AIFM2: variants seen among roughly 807,000 people sequenced by gnomAD.
AIFM2 encodes AIF family member 2, ferroptosis suppressor.
AIFM2 carries 38 observed loss-of-function variants against 35.7 expected under a neutral mutation model. The ratio of observed to expected loss-of-function variants is 1.06; its 90% CI spans 0.82 to 1.39. AIFM2 has a LOEUF of 1.39. AIFM2 is among the 40% of genes most tolerant of loss of function. AIFM2 has a pLI of 0.00. For synonymous variants in AIFM2, 185 were observed against 203.5 expected (o/e 0.91, Z 0.77); for missense variants, 476 against 491.2 (o/e 0.97, Z 0.29).
chr10:70,118,929 T>C (rs1474778942), intron 5 of AIFM2, among the ~76,000 whole-genome samples: 1 of 152,174 alleles, frequency 6.6e-6, no homozygotes, highest in African/African-American at 2.4e-5. Context: ...TCCTGGATGA[T>C]CGCTGGTCAC....
Position 70,132,764 on chromosome 10 carries a change from G to GGCTCCA in AIFM2, c.-45_-44insTGGAGC. 6.6e-6 allele frequency: 1 copy of GGCTCCA among 152,506 alleles called. No individual in the cohort carries two copies. The highest frequency in any genetic ancestry group is 1.8e-4 in the South Asian group (1 of 5,506). 9.4% of individuals were successfully genotyped at this position (152,506 alleles called of 1,614,324 possible). On this transcript the variant is annotated 5_prime_UTR_variant, in exon 1 of 9. Transcript: ENST00000307864. ...GGCCGCGCCCGCGCGCTCTCGCTCC[G>GGCTCCA]GCTCCCGCTCCCGCTCCCGCTCCCG...
rs1159954767 is a variant in AIFM2, at chr10:70,115,123, G to A, written c.770-3C>T. ...ACCACTGCTGGCTAGTCTGCTCTCT[G>A]CCAGAAGAAATGACACCGAAACCAA... On this transcript the variant is annotated splice_polypyrimidine_tract_variant and splice_region_variant and intron_variant, in intron 7 of 8. Transcript: ENST00000307864. The A allele has an allele frequency of 1.9e-6, 3 of 1,613,340 alleles. No individual in the cohort carries two copies. Among genetic ancestry groups the A allele is most frequent in the Non-Finnish European group, 2.5e-6 (3 of 1,179,722 alleles).
intron 3 of AIFM2, among the ~76,000 whole-genome samples, chr10:70,121,887 T>C (rs1439352004): frequency 6.7e-6 from 1 of 149,932 alleles, no homozygotes. Context: ...AGGTCAGGAG[T>C]TTGAAACCAA....
Position 70,125,567 on chromosome 10 carries a change from G to A in AIFM2, c.-13-1470C>T, listed in dbSNP as rs138337971. ...AGGGAGGTCAAGGCTGCAGTGAGCCGTAACTATGCCACTGCACACCAGCCT... is the reference window on the plus strand; with the variant it reads ...AGGGAGGTCAAGGCTGCAGTGAGCCATAACTATGCCACTGCACACCAGCCT... On this transcript the variant is annotated intron_variant, in intron 1 of 8. Coordinates refer to ENST00000307864, the MANE Select transcript of AIFM2 (RefSeq NM_032797.6). Among the ~76,000 whole-genome samples the A allele has an allele frequency of 7.2e-3, 1,081 of 150,152 alleles. 38 individuals carry two copies. Among genetic ancestry groups the A allele is most frequent in the Admixed American group, 0.051 (773 of 15,098 alleles).
chr10:70,112,768 C>T lies in AIFM2; in HGVS notation c.*1410G>A, dbSNP rs2072390621. The T allele has an allele frequency of 6.6e-6, 1 of 152,258 alleles. No individual in the cohort carries two copies. Among genetic ancestry groups the T allele is most frequent in the South Asian group, 2.1e-4 (1 of 4,828 alleles). The allele number at this position is 152,258 out of a possible 1,614,324, so 9.4% of individuals were successfully genotyped here. ...TAACCCAGGCAGTCCAAGAGGGGCTCCTCTGGATTGGAAGATCTCTCCCAA... is the reference window on the plus strand; with the variant it reads ...TAACCCAGGCAGTCCAAGAGGGGCTTCTCTGGATTGGAAGATCTCTCCCAA... On this transcript the variant is annotated 3_prime_UTR_variant, in exon 9 of 9. Coordinates refer to ENST00000307864, the MANE Select transcript of AIFM2 (RefSeq NM_032797.6).
chr10:70,114,034 TACAAG>T lies in AIFM2; in HGVS notation c.*139_*143del. ...CTCTCTCTCTCCCATTTTTGTTTTATACAAGTTGCATTTCTAGCCACCACATCATT... is the reference window on the plus strand; with the variant it reads ...CTCTCTCTCTCCCATTTTTGTTTTATTTGCATTTCTAGCCACCACATCATT... On this transcript the variant is annotated 3_prime_UTR_variant, in exon 9 of 9. Transcript: ENST00000307864. The T allele has an allele frequency of 9.1e-7, 1 of 1,099,404 alleles. No individual in the cohort carries two copies. Among genetic ancestry groups the T allele is most frequent in the Non-Finnish European group, 1.3e-6 (1 of 792,796 alleles). The allele number at this position is 1,099,404 out of a possible 1,614,324, so 68.1% of individuals were successfully genotyped here.
In AIFM2 at chr10:70,117,827, C is replaced by T. The variant is rs777129679; in HGVS notation, c.601G>A (p.Val201Met). 5 of 1,605,092 alleles carry T rather than the reference C, an allele frequency of 3.1e-6. No homozygotes were observed. The South Asian group carries it at 3.3e-5, about 11-fold the overall frequency. Residue 201 changes from valine (V) to methionine (M), a missense_variant, in exon 6 of 9, where the codon GTG (valine) becomes ATG (methionine). Physicochemically the swap from Val to Met is conservative, Grantham distance 21. Coordinates refer to ENST00000307864, the MANE Select transcript of AIFM2 (RefSeq NM_032797.6). This position sits in a 1 kb window ranked among gnomAD's most constrained non-coding sequence, Gnocchi z 4.7. The stretch of plus-strand genomic sequence containing the variant: ...GTGCACGTACTCAGCAGCAGCTGCA[C>T]GCCCTTCCGGAGGAGGATCTCCTTC... ...EVKEILLRKG[V>M]QLLLSERVSN...
chr10:70,131,500 A>C lies in AIFM2; in HGVS notation c.-14+1234T>G, dbSNP rs576622262. Among the ~76,000 whole-genome samples the C allele has an allele frequency of 3.5e-4, 53 of 152,298 alleles. No homozygotes were observed. The highest frequency in any genetic ancestry group is 6.9e-4 in the Non-Finnish European group (47 of 68,024). On this transcript the variant is annotated intron_variant, in intron 1 of 8. Transcript: ENST00000307864. The surrounding 1 kb of genome is among the most constrained non-coding windows in gnomAD (Gnocchi z 4.1). The stretch of plus-strand genomic sequence containing the variant: ...AGGGAGGCAGCCTCCTTTTATCCCC[A>C]GGGGAGGGCAGCTCTGGGGCAGACA...
intron 5 of AIFM2, chr10:70,118,364 T>A (rs1589847125): frequency 1.3e-5 from 2 of 154,982 alleles, no homozygotes; most frequent in African/African-American, 4.8e-5. Flanking sequence ...CCCGGGCACC[T>A]CATGTTGCAA....
chr10:70,116,769 G>C lies in AIFM2; in HGVS notation c.622C>G (p.Arg208Gly). Residue 208 changes from arginine (R) to glycine (G), a missense_variant, in exon 7 of 9, where the codon CGG (arginine) becomes GGG (glycine). Coordinates refer to ENST00000307864, the MANE Select transcript of AIFM2 (RefSeq NM_032797.6). Reference protein sequence around the residue: ...RKGVQLLLSERVSNLEELPLN... With the variant: ...RKGVQLLLSEGVSNLEELPLN... ...GGCAGCTCCTCCAGATTGCTCACCC[G>C]CTCACCTAGAAGGGGGTTCATGACC... 1.2e-6 allele frequency: 2 copies of C among 1,613,998 alleles called. No homozygotes were observed. Among genetic ancestry groups the C allele is most frequent in the Non-Finnish European group, 1.7e-6 (2 of 1,179,948 alleles).
intron 5 of AIFM2, 144 bp from the exon 6 acceptor site, chr10:70,118,064 G>A (rs1589846958): frequency 1.6e-6 from 1 of 628,698 alleles, no homozygotes; most frequent in Non-Finnish European, 2.8e-6. Flanking sequence ...TCCAATGCCA[G>A]GACCAATTAG....
chr10:70,122,239 T>C (rs184511047), intron 3 of AIFM2, among the ~76,000 whole-genome samples: 6 of 152,284 alleles, frequency 3.9e-5, no homozygotes, highest in African/African-American at 7.2e-5. Flanking sequence ...ACTCAGCCCC[T>C]ACTTTCCCCT....
chr10:70,128,983 A>AG (rs1370446135), intron 1 of AIFM2, among the ~76,000 whole-genome samples: 10 of 152,222 alleles, frequency 6.6e-5, no homozygotes, highest in Non-Finnish European at 1.3e-4. Context: ...AGTAAAAAAA[A>AG]GAAAAGAAAA....
At chr10:70,127,513 A>G (rs1161337298) in intron 1 of AIFM2, among the ~76,000 whole-genome samples, 1 of 152,178 alleles carries the variant, frequency 6.6e-6, no homozygotes, top group Non-Finnish European at 1.5e-5. Flanking sequence ...GGCTTAGAGG[A>G]CAGGTGACAG....
chr10:70,121,612 AAAAG>A (rs561453547), intron 3 of AIFM2, among the ~76,000 whole-genome samples: 11 of 152,236 alleles, frequency 7.2e-5, no homozygotes, highest in Non-Finnish European at 1.3e-4. Context: ...CGCCAGGAAG[AAAAG>A]AAAGGGAAAG....
rs965439762 is a variant in AIFM2, at chr10:70,117,227, A to G, written c.617-453T>C. On this transcript the variant is annotated intron_variant, in intron 6 of 8. Transcript: ENST00000307864. The surrounding 1 kb of genome is among the most constrained non-coding windows in gnomAD (Gnocchi z 4.7). Reference sequence around the variant, plus strand: ...GGCAGCACTCCACAGCCAGTTACCAAAAGGAGGCTGAGGCAGCCATGCGGG... The same window carrying G: ...GGCAGCACTCCACAGCCAGTTACCAGAAGGAGGCTGAGGCAGCCATGCGGG... Among the ~76,000 whole-genome samples, 5 of 152,138 alleles carry G rather than the reference A, an allele frequency of 3.3e-5. No individual in the cohort carries two copies. Among genetic ancestry groups the G allele is most frequent in the Non-Finnish European group, 5.9e-5 (4 of 68,020 alleles).
intron 6 of AIFM2, 140 bp from the exon 7 acceptor site, chr10:70,116,914 T>C: frequency 2.0e-6 from 2 of 978,506 alleles, no homozygotes; most frequent in East Asian, 2.5e-5. Flanking sequence ...CTTCCCACCA[T>C]GCCCCTCCCT....
At chr10:70,115,384 A>G (rs16927329) in intron 7 of AIFM2, among the ~76,000 whole-genome samples, 12,161 of 152,318 alleles carry the variant, frequency 0.08, 792 homozygotes, top group African/African-American at 0.18. Flanking sequence ...AATACCAACA[A>G]GCCTCCTTTT....
At position 70,116,637 on chromosome 10, in the gene AIFM2, A is replaced by AT; in HGVS notation, c.753_754insA (p.Tyr252IlefsTer6). ...ACCTGCTCACCAAACGCTTTGCGGT[A>AT]GGCGGAGCTGTTGATCTTGATGCCG... is the stretch of plus-strand genomic sequence containing the variant. On this transcript the variant is annotated frameshift_variant, in exon 7 of 9. Coordinates refer to ENST00000307864, the MANE Select transcript of AIFM2 (RefSeq NM_032797.6). LOFTEE classifies it high-confidence loss of function. The AT allele has an allele frequency of 1.2e-6, 2 of 1,613,878 alleles. No homozygotes were observed. Among genetic ancestry groups the AT allele is most frequent in the South Asian group, 2.2e-5 (2 of 91,060 alleles).
Sources: allele counts gnomAD v4.1 joint callset (sites outside exome capture counted in the v4.1 genomes callset), GRCh38; gene constraint gnomAD v4.1.1; non-coding constraint Gnocchi (gnomAD v3.1); transcripts MANE v1.5; gene names NCBI Gene and HGNC (gene_info 2026-07-23, HGNC 2026-07-21).